Variants in KCNMA1 observed in about 807,000 individuals in gnomAD.
The protein encoded by KCNMA1 is potassium calcium-activated channel subfamily M alpha 1.
Under a neutral mutation model 140.0 loss-of-function variants are expected in KCNMA1, and 29 were observed. The ratio of observed to expected loss-of-function variants is 0.21; its 90% CI spans 0.15 to 0.28. The LOEUF is 0.28. KCNMA1 is among the 10% of genes least tolerant of loss of function. The pLI, the probability that KCNMA1 is intolerant of heterozygous loss-of-function variation, is 1.00. For synonymous variants in KCNMA1, 612 were observed against 611.9 expected (o/e 1.00, Z 0.00); for missense variants, 880 against 1,602.2 (o/e 0.55, Z 7.70).
chr10:77,243,916 T>G (rs1049569512), intron 3 of KCNMA1, among the ~76,000 whole-genome samples: 4 of 152,126 alleles, frequency 2.6e-5, no homozygotes, highest in Non-Finnish European at 4.4e-5. Context: ...CTCTCACCAG[T>G]GAGGATGAAA....
intron 15 of KCNMA1, among the ~76,000 whole-genome samples, chr10:77,029,391 T>C (rs191676229): frequency 4.6e-5 from 7 of 152,258 alleles, no homozygotes; most frequent in African/African-American, 1.7e-4. Context: ...GAGGAAGCTA[T>C]TACCCCAATT....
In KCNMA1 at chr10:77,086,528, T is replaced by A. The variant is rs754219838; in HGVS notation, c.1400A>T (p.Gln467Leu). 2 of 1,614,056 alleles carry A rather than the reference T, an allele frequency of 1.2e-6. No individual in the cohort carries two copies. The highest frequency in any genetic ancestry group is 1.7e-6 in the Non-Finnish European group (2 of 1,179,892). Residue 467 changes from glutamine (Q) to leucine (L), a missense_variant, in exon 11 of 28, where the codon CAG becomes CTG. Physicochemically the swap from Gln to Leu is moderately radical, Grantham distance 113. Coordinates refer to ENST00000286628, the MANE Select transcript of KCNMA1 (RefSeq NM_001161352.2). ...ATCATGTGGATTGAGGACGGAACCC[T>A]GATAAAATTCCACCTGAGTAAAATG... ...KRHFTQVEFY[Q>L]GSVLNPHDLA...
rs1049334725 is a variant in KCNMA1 at position 77,636,447 on chromosome 10, G to T, written c.378+818C>A. On this transcript the variant is annotated intron_variant, in intron 1 of 27. Transcript: ENST00000286628. ...GGGAAGACGCTCCGCGTAAAACCGC[G>T]GCCTCAGGCGGACTCCCGCTCCAGC... The T allele has an allele frequency of 3.3e-6, 5 of 1,536,076 alleles. No individual in the cohort carries two copies. The East Asian group carries it at 9.8e-5, about 30-fold the overall frequency.
chr10:76,882,140 G>T (rs1367882143), downstream of KCNMA1, among the ~76,000 whole-genome samples: 1 of 152,210 alleles, frequency 6.6e-6, no homozygotes, highest in African/African-American at 2.4e-5. Context: ...GAAGAAACAG[G>T]CTGCACTGTG....
intron 2 of KCNMA1, among the ~76,000 whole-genome samples, chr10:77,342,514 C>G (rs1014984580): frequency 5.3e-5 from 8 of 152,162 alleles, no homozygotes; most frequent in African/African-American, 1.7e-4. Flanking sequence ...ACCACCCAAC[C>G]CCCAGCCAGA....
chr10:77,360,584 C>T lies in KCNMA1; in HGVS notation c.540+43278G>A, dbSNP rs117294916. On this transcript the variant is annotated intron_variant, in intron 2 of 27. Coordinates refer to ENST00000286628, the MANE Select transcript of KCNMA1 (RefSeq NM_001161352.2). ...ATGCCACTCTAAACAGAAATACTCC[C>T]CGGAGCACCTGGGACGACCGGCATC... Among the ~76,000 whole-genome samples the T allele has an allele frequency of 1.6e-3, 246 of 152,316 alleles. 1 individual carries two copies. The highest frequency in any genetic ancestry group is 3.2e-3 in the Admixed American group (49 of 15,302).
At position 77,522,119 on chromosome 10, in the gene KCNMA1, G is replaced by A. The variant is rs75617499; in HGVS notation, c.378+115146C>T. ...GAACCCAGGAGGCGGAGGTTGCAGT[G>A]AGCCAAGATCATGTCACTGCACTAC... is the stretch of plus-strand genomic sequence containing the variant. On this transcript the variant is annotated intron_variant, in intron 1 of 27. Transcript: ENST00000286628. Among the ~76,000 whole-genome samples the A allele has an allele frequency of 8.9e-3, 1,349 of 152,086 alleles. 12 individuals are homozygous for A. Among genetic ancestry groups the A allele is most frequent in the East Asian group, 0.049 (252 of 5,162 alleles).
In KCNMA1 at chr10:76,884,955, T is replaced by C. The variant is rs1374527127; in HGVS notation, c.*2311A>G. The C allele has an allele frequency of 2.6e-5, 40 of 1,536,210 alleles. No individual in the cohort carries two copies. The highest frequency in any genetic ancestry group is 3.2e-5 in the Non-Finnish European group (37 of 1,140,906). ...CGTTATAGAAGAAAACCCCCAGCAG[T>C]GGCTAGGTCATGCAGAACCATTAAT... is the stretch of plus-strand genomic sequence containing the variant. On this transcript the variant is annotated 3_prime_UTR_variant, in exon 28 of 28. Coordinates refer to ENST00000286628, the MANE Select transcript of KCNMA1 (RefSeq NM_001161352.2).
At chr10:77,354,373 C>CT (rs2093268902) in intron 2 of KCNMA1, 3 of 152,240 alleles carry the variant, frequency 2.0e-5, no homozygotes, top group African/African-American at 7.2e-5. Flanking sequence ...TTTGTCACCA[C>CT]TGGCTAATGG....
chr10:77,310,657 A>G (rs2079026026), intron 2 of KCNMA1, among the ~76,000 whole-genome samples: 1 of 152,214 alleles, frequency 6.6e-6, no homozygotes, highest in Admixed American at 6.5e-5. Flanking sequence ...TGGAGGAAAT[A>G]GGAGGAATTT....
chr10:77,054,403 T>C (rs2153642612), intron 14 of KCNMA1, among the ~76,000 whole-genome samples: 1 of 152,190 alleles, frequency 6.6e-6, no homozygotes. Flanking sequence ...GCCACAGGTA[T>C]GGGGGCCAGG....
chr10:77,006,161 T>C (rs970378125), intron 18 of KCNMA1, among the ~76,000 whole-genome samples: 1 of 152,178 alleles, frequency 6.6e-6, no homozygotes, highest in Non-Finnish European at 1.5e-5. Context: ...GAATCTTAAT[T>C]TCCAGGGTGG....
At chr10:77,636,130 C>T (rs2093696849) in intron 1 of KCNMA1, 1 of 1,161,342 alleles carries the variant, frequency 8.6e-7, no homozygotes, top group African/African-American at 1.6e-5. Context: ...CCCTTCCCTC[C>T]AAAACGGTTC....
intron 2 of KCNMA1, among the ~76,000 whole-genome samples, chr10:77,308,801 CCT>C (rs1290507241): frequency 6.6e-6 from 1 of 152,150 alleles, no homozygotes; most frequent in African/African-American, 2.4e-5. Flanking sequence ...GCCATATTCC[CCT>C]GAGATACCCA....
intron 1 of KCNMA1, among the ~76,000 whole-genome samples, chr10:77,530,869 TA>T (rs1383949674): frequency 6.6e-6 from 1 of 152,180 alleles, no homozygotes; most frequent in East Asian, 1.9e-4. Context: ...TCCTGGGCAA[TA>T]ATATCTGTGA....
At chr10:77,146,888 C>T (rs1247670686) in intron 5 of KCNMA1, among the ~76,000 whole-genome samples, 5 of 152,126 alleles carry the variant, frequency 3.3e-5, no homozygotes, top group Admixed American at 6.5e-5. Context: ...TGGCCTCTCT[C>T]TCTCGGGTGT....
chr10:77,008,394 A>G (rs1250770594), intron 18 of KCNMA1, among the ~76,000 whole-genome samples: 1 of 152,258 alleles, frequency 6.6e-6, no homozygotes, highest in African/African-American at 2.4e-5. Flanking sequence ...TCATTAGACA[A>G]GGTTTGTTAT....
intron 3 of KCNMA1, among the ~76,000 whole-genome samples, chr10:77,206,979 C>T (rs567777553): frequency 3.2e-4 from 49 of 152,200 alleles, no homozygotes; most frequent in Non-Finnish European, 5.6e-4. Context: ...AAAGGATTTT[C>T]CTCTCTTGCA....
At chr10:77,003,944 G>A (rs2087426346) in intron 18 of KCNMA1, among the ~76,000 whole-genome samples, 1 of 152,136 alleles carries the variant, frequency 6.6e-6, no homozygotes, top group African/African-American at 2.4e-5. Context: ...CTCAGGGACT[G>A]TTTGCAACTG....
Sources: gnomAD v4.1 joint callset for allele counts (sites outside exome capture counted in the v4.1 genomes callset) on GRCh38, gnomAD v4.1.1 for gene constraint, MANE v1.5 for transcripts, NCBI Gene and HGNC (gene_info 2026-07-23, HGNC 2026-07-21) for gene names.